Variants in CCDC179 observed in about 807,000 individuals in gnomAD.
CCDC179 encodes coiled-coil domain-containing protein 179.
In CCDC179, 17 loss-of-function variants were observed where a neutral mutation model predicts 12.0. The ratio of observed to expected loss-of-function variants is 1.42; its 90% CI spans 0.97 to 2.13. The LOEUF (loss-of-function observed/expected upper bound fraction) is 2.13, where lower values mean the gene tolerates loss of function less well. CCDC179 is among the 30% of genes most tolerant of loss of function. The pLI, the probability that CCDC179 is intolerant of heterozygous loss-of-function variation, is 0.00. For missense variants in CCDC179, 83 were observed against 78.6 expected (o/e 1.06, Z -0.21); for synonymous variants, 27 against 26.4 (o/e 1.02, Z -0.07).
In CCDC179 at chr11:22,858,013, C is replaced by G. The variant is rs780995888; in HGVS notation, c.104G>C (p.Arg35Pro). The G allele has an allele frequency of 1.3e-6, 2 of 1,503,100 alleles. No homozygotes were observed. Among genetic ancestry groups the G allele is most frequent in the Admixed American group, 2.2e-5 (1 of 44,622 alleles). The allele number at this position is 1,503,100 out of a possible 1,614,324, so 93.1% of individuals were successfully genotyped here. ...CTTTAGGTGTTGCATATTCTGAATA[C>G]GTTTATTTGCAAGCTTTAGAAAAAT... is the stretch of plus-strand genomic sequence containing the variant. ...EVTERQLANK[R>P]IQNMQHLKKE... The change falls in exon 3 of 4, where the codon CGT becomes CCT. Residue 35 changes from arginine to proline, a missense_variant. Physicochemically the swap from Arg to Pro is moderately radical, Grantham distance 103. Coordinates refer to ENST00000532798, the MANE Select transcript of CCDC179 (RefSeq NM_001195637.2).
intron 3 of CCDC179, among the ~76,000 whole-genome samples, chr11:22,857,269 T>C (rs745875921): frequency 2.7e-4 from 41 of 151,674 alleles, no homozygotes; most frequent in Non-Finnish European, 5.0e-4. Flanking sequence ...TCTAGACTTA[T>C]TGTAAATCTA....
chr11:22,853,013 A>G (rs1590190930), intron 3 of CCDC179, among the ~76,000 whole-genome samples: 1 of 152,350 alleles, frequency 6.6e-6, no homozygotes, highest in East Asian at 1.9e-4. Context: ...CAAGCTTCAG[A>G]TATTATTTAA....
chr11:22,850,976 A>ATATTTATTTTTTTTTTTTT (rs1554920538), intron 3 of CCDC179, among the ~76,000 whole-genome samples: 1 of 6,126 alleles, frequency 1.6e-4, no homozygotes, highest in Non-Finnish European at 4.4e-4. Context: ...ATATATATAT[A>ATATTTATTTTTTTTTTTTT]TTTTTTTTTT....
intron 2 of CCDC179, among the ~76,000 whole-genome samples, chr11:22,858,623 G>A (rs893807888): frequency 6.6e-6 from 1 of 151,990 alleles, no homozygotes; most frequent in African/African-American, 2.4e-5. Context: ...ACTGATAACA[G>A]AATATAAACT....
At chr11:22,852,106 G>A (rs1858419008) in intron 3 of CCDC179, among the ~76,000 whole-genome samples, 1 of 152,126 alleles carries the variant, frequency 6.6e-6, no homozygotes, top group African/African-American at 2.4e-5. Flanking sequence ...GTTCCCTATA[G>A]CTTTCCTATC....
chr11:22,848,920 CTA>C (rs1378470059), intron 3 of CCDC179, among the ~76,000 whole-genome samples: 3 of 151,892 alleles, frequency 2.0e-5, no homozygotes, highest in African/African-American at 4.8e-5. Context: ...GAGCAATTGT[CTA>C]TGTTAAAAAT....
intron 3 of CCDC179, among the ~76,000 whole-genome samples, chr11:22,851,573 C>T (rs558494768): frequency 1.3e-5 from 2 of 152,274 alleles, no homozygotes; most frequent in South Asian, 4.1e-4. Flanking sequence ...CAAATTGTTC[C>T]TTCCTTCCTT....
intron 3 of CCDC179, among the ~76,000 whole-genome samples, chr11:22,850,164 T>A (rs1423743142): frequency 6.6e-6 from 1 of 152,228 alleles, no homozygotes; most frequent in East Asian, 1.9e-4. Context: ...GCTGTCATTT[T>A]GAACATGATT....
chr11:22,860,392 A>G lies in CCDC179; in HGVS notation c.30T>C (p.Pro10=), dbSNP rs1162861570. The change falls in exon 1 of 4, where the codon CCT becomes CCC. Residue 10 remains proline, a synonymous_variant. Coordinates refer to ENST00000532798, the MANE Select transcript of CCDC179 (RefSeq NM_001195637.2). MCLYCWDIE[P]SQVNPEGPRQ... ...GCAGACTCACAGGGTTGACTTGGGAAGGCTCGATGTCCCAGCAATACAGGC... is the reference window on the plus strand; with the variant it reads ...GCAGACTCACAGGGTTGACTTGGGAGGGCTCGATGTCCCAGCAATACAGGC... 3.3e-6 allele frequency: 5 copies of G among 1,535,618 alleles called. No individual in the cohort carries two copies. Among genetic ancestry groups the G allele is most frequent in the Admixed American group, 2.0e-5 (1 of 50,930 alleles).
intron 1 of CCDC179, 148 bp from the exon 2 acceptor site, chr11:22,859,644 A>G (rs1858616103): frequency 2.3e-6 from 1 of 436,440 alleles, no homozygotes; most frequent in African/African-American, 2.1e-5. Flanking sequence ...AAAAAAACAA[A>G]AAGAAAAAAG....
At chr11:22,859,596 T>A in intron 1 of CCDC179, 100 bp from the exon 2 acceptor site, 1 of 582,768 alleles carries the variant, frequency 1.7e-6, no homozygotes, top group Non-Finnish European at 2.6e-6. Flanking sequence ...TTTAAATTTA[T>A]GTATTATATG....
At position 22,847,375 on chromosome 11, in the gene CCDC179, C is replaced by G. The variant is rs2094460242; in HGVS notation, c.*135G>C. 1 of 464,042 alleles carries G rather than the reference C, an allele frequency of 2.2e-6. No individual in the cohort carries two copies. Among genetic ancestry groups the G allele is most frequent in the Admixed American group, 3.9e-5 (1 of 25,670 alleles). 28.7% of individuals were successfully genotyped at this position (464,042 alleles called of 1,614,324 possible). ...GTAGCTTGGATATTAAATACTTGCACTGTGTTTATTTTTCCGAAATGGTGG... is the reference window on the plus strand; with the variant it reads ...GTAGCTTGGATATTAAATACTTGCAGTGTGTTTATTTTTCCGAAATGGTGG... On this transcript the variant is annotated 3_prime_UTR_variant, in exon 4 of 4. Transcript: ENST00000532798.
chr11:22,857,963 T>G lies in CCDC179; in HGVS notation c.154A>C (p.Arg52=). ...LKKEKRRLNK[R]FSRPSPIPEP... is the part of the protein sequence containing the mutation. The stretch of plus-strand genomic sequence containing the variant: ...GGAATAGGAGAAGGCCTTGAAAACC[T>G]TTTATTCAGTCTCCTCTTCTCTTTC... The change falls in exon 3 of 4, where the codon AGG becomes CGG. Residue 52 remains arginine, a synonymous_variant. Transcript: ENST00000532798. The G allele has an allele frequency of 4.6e-6, 7 of 1,528,996 alleles. No individual in the cohort carries two copies. Among genetic ancestry groups the G allele is most frequent in the East Asian group, 2.5e-5 (1 of 40,670 alleles). 94.7% of individuals were successfully genotyped at this position (1,528,996 alleles called of 1,614,324 possible).
Position 22,847,391 on chromosome 11 carries a change from G to A in CCDC179, c.*119C>T, listed in dbSNP as rs2302423. 309,631 of 564,700 alleles carry A rather than the reference G, an allele frequency of 0.55. 86,136 individuals are homozygous for A. Among genetic ancestry groups the A allele is most frequent in the East Asian group, 0.72 (21,295 of 29,396 alleles). 35.0% of individuals were successfully genotyped at this position (564,700 alleles called of 1,614,324 possible). Reference sequence around the variant, plus strand: ...ATACTTGCACTGTGTTTATTTTTCCGAAATGGTGGAGTATTGCATTTATTT... The same window carrying A: ...ATACTTGCACTGTGTTTATTTTTCCAAAATGGTGGAGTATTGCATTTATTT... On this transcript the variant is annotated 3_prime_UTR_variant, in exon 4 of 4. Transcript: ENST00000532798.
At chr11:22,855,903 T>G (rs1858518974) in intron 3 of CCDC179, among the ~76,000 whole-genome samples, 1 of 151,306 alleles carries the variant, frequency 6.6e-6, no homozygotes, top group Non-Finnish European at 1.5e-5. Context: ...AACCAATAGC[T>G]CTATGCTCAT....
intron 3 of CCDC179, among the ~76,000 whole-genome samples, chr11:22,850,001 A>G (rs1858334228): frequency 1.3e-5 from 2 of 152,154 alleles, no homozygotes; most frequent in Non-Finnish European, 2.9e-5. Context: ...TAGGGCTCAC[A>G]GATTGGTTCA....
At position 22,850,972 on chromosome 11, in the gene CCDC179, A is replaced by ATT. The variant is rs1564915170; in HGVS notation, c.196-3452_196-3451insAA. Among the ~76,000 whole-genome samples the ATT allele has an allele frequency of 9.7e-3, 63 of 6,508 alleles. 1 individual carries two copies. The highest frequency in any genetic ancestry group is 0.02 in the Non-Finnish European group (44 of 2,180). 4.3% of individuals were successfully genotyped at this position (6,508 alleles called of 152,430 possible). The stretch of plus-strand genomic sequence containing the variant: ...TATATATATATATATATATATATAT[A>ATT]TATATTTTTTTTTTTTTTTTTTTTT... On this transcript the variant is annotated intron_variant, in intron 3 of 3. Transcript: ENST00000532798.
intron 3 of CCDC179, among the ~76,000 whole-genome samples, chr11:22,857,607 A>G (rs1316616655): frequency 6.6e-6 from 1 of 151,742 alleles, no homozygotes; most frequent in Non-Finnish European, 1.5e-5. Context: ...TTTGGCAATA[A>G]ATTTTCAGAT....
At chr11:22,850,976 A>ACATATTTTTTTT (rs1858382219) in intron 3 of CCDC179, among the ~76,000 whole-genome samples, 1 of 6,126 alleles carries the variant, frequency 1.6e-4, no homozygotes, top group Non-Finnish European at 4.4e-4. Flanking sequence ...ATATATATAT[A>ACATATTTTTTTT]TTTTTTTTTT....
Sources: allele counts gnomAD v4.1 joint callset (sites outside exome capture counted in the v4.1 genomes callset), GRCh38; gene constraint gnomAD v4.1.1; transcripts MANE v1.5; gene names NCBI Gene and HGNC (gene_info 2026-07-23, HGNC 2026-07-21).